Variants in HUWE1 observed in about 807,000 individuals in gnomAD.
HUWE1 encodes the protein E3 ubiquitin-protein ligase HUWE1.
HUWE1 carries 18 observed loss-of-function variants against 299.4 expected under a neutral mutation model. The ratio of observed to expected loss-of-function variants is 0.06; its 90% CI spans 0.04 to 0.09. The LOEUF (loss-of-function observed/expected upper bound fraction) is 0.09, where lower values mean the gene tolerates loss of function less well. HUWE1 is among the 10% of genes least tolerant of loss of function. The pLI is 1.00. For synonymous variants in HUWE1, 1,317 were observed against 1,286.1 expected (o/e 1.02, Z -0.51); for missense variants, 1,832 against 3,462.3 (o/e 0.53, Z 11.82).
In HUWE1 at chrX:53,533,979, A is replaced by C. The variant is rs782175540; in HGVS notation, c.13022+28T>G. On this transcript the variant is annotated intron_variant, in intron 83 of 83. Transcript: ENST00000262854. ...GTATGCAAGCTCAACCTAAGCACTG[A>C]AAAGGAGAAACAAACCCTTCCTTTT... 35 of 1,188,505 alleles carry C rather than the reference A, an allele frequency of 2.9e-5. No individual in the cohort carries two copies. The East Asian group carries it at 5.9e-4, about 20-fold the overall frequency.
chrX:53,643,713 T>C (rs1440014153), intron 7 of HUWE1, among the ~76,000 whole-genome samples: 3 of 112,437 alleles, frequency 2.7e-5, no homozygotes, highest in Non-Finnish European at 5.6e-5. Flanking sequence ...TTTCTGTATA[T>C]TGATCTCTTG....
intron 4 of HUWE1, among the ~76,000 whole-genome samples, chrX:53,651,094 C>A (rs782464745): frequency 5.4e-5 from 6 of 111,132 alleles, no homozygotes; most frequent in Admixed American, 9.6e-5. Flanking sequence ...ATATTAACTA[C>A]ACTGGGTTAC....
At position 53,593,538 on chromosome X, in the gene HUWE1, T is replaced by C. The variant is rs782315679; in HGVS notation, c.3567A>G (p.Ser1189=). ...ATTCTCCTGTGCCATCAGGCAAGTCTGAGTGTTCCAATCCCTCAGAAACAG... is the reference window on the plus strand; with the variant it reads ...ATTCTCCTGTGCCATCAGGCAAGTCCGAGTGTTCCAATCCCTCAGAAACAG... ...KVPVSEGLEH[S]DLPDGTGEFL... The change falls in exon 32 of 84, where the codon TCA becomes TCG. Residue 1189 remains serine, a synonymous_variant. Coordinates refer to ENST00000262854, the MANE Select transcript of HUWE1 (RefSeq NM_031407.7). 13 of 1,211,679 alleles carry C rather than the reference T, an allele frequency of 1.1e-5. No homozygotes were observed. The highest frequency in any genetic ancestry group is 1.5e-5 in the Non-Finnish European group (13 of 895,260).
At chrX:53,575,550 C>A in intron 45 of HUWE1, 93 bp downstream of exon 45, 1 of 955,230 alleles carries the variant, frequency 1.0e-6, no homozygotes, top group Non-Finnish European at 1.5e-6. Flanking sequence ...CAATTAATAT[C>A]TTTGAAATTC....
intron 7 of HUWE1, 76 bp from the exon 8 acceptor site, chrX:53,634,374 A>T (rs1365191412): frequency 1.3e-5 from 9 of 670,857 alleles, no homozygotes; most frequent in Non-Finnish European, 2.0e-5. Flanking sequence ...CCTAGGCAAC[A>T]GAGTGAGACC....
At chrX:53,551,611 C>T in intron 63 of HUWE1, 131 bp from the exon 64 acceptor site, 2 of 577,688 alleles carry the variant, frequency 3.5e-6, no homozygotes, top group Admixed American at 2.7e-5. Context: ...CTCCTGGGCT[C>T]GAGTCTTCCT....
Position 53,532,741 on chromosome X carries a change from A to G in HUWE1, c.*568T>C, listed in dbSNP as rs2060826924. The G allele has an allele frequency of 9.3e-6, 1 of 107,981 alleles. No individual in the cohort carries two copies. Among genetic ancestry groups the G allele is most frequent in the African/African-American group, 3.4e-5 (1 of 29,547 alleles). 8.9% of individuals were successfully genotyped at this position (107,981 alleles called of 1,213,427 possible). A position where few individuals can be genotyped will look rare whatever the true frequency, so the allele number is the denominator to read the frequency against. On this transcript the variant is annotated 3_prime_UTR_variant, in exon 84 of 84. Coordinates refer to ENST00000262854, the MANE Select transcript of HUWE1 (RefSeq NM_031407.7). ...TCCAGATGCCTAGCATGTGCTTAAGAGTTTTTTGTTTTTTTTTTTAAGTTT... is the reference window on the plus strand; with the variant it reads ...TCCAGATGCCTAGCATGTGCTTAAGGGTTTTTTGTTTTTTTTTTTAAGTTT...
Position 53,608,837 on chromosome X carries a change from T to C in HUWE1, c.2319+15A>G, listed in dbSNP as rs1556999335. On this transcript the variant is annotated intron_variant, in intron 24 of 83. Coordinates refer to ENST00000262854, the MANE Select transcript of HUWE1 (RefSeq NM_031407.7). The stretch of plus-strand genomic sequence containing the variant: ...ATATACATCTTTACTCAGTTTGCCC[T>C]GTGTTGAATCTTACCACATTAAGGA... 3.7e-6 allele frequency: 4 copies of C among 1,071,883 alleles called. No individual in the cohort carries two copies. The highest frequency in any genetic ancestry group is 5.2e-6 in the Non-Finnish European group (4 of 769,013). 88.3% of individuals were successfully genotyped at this position (1,071,883 alleles called of 1,213,427 possible). A position where few individuals can be genotyped will look rare whatever the true frequency, so the allele number is the denominator to read the frequency against.
chrX:53,606,032 C>T (rs1384044985), intron 25 of HUWE1, among the ~76,000 whole-genome samples: 2 of 111,624 alleles, frequency 1.8e-5, no homozygotes, highest in Non-Finnish European at 3.8e-5. Flanking sequence ...TGCAAAACAT[C>T]GGATTTGGCA....
At chrX:53,577,502 TCCCTCTCCCTCTCCCTCTCC>T in intron 43 of HUWE1, among the ~76,000 whole-genome samples, 1 of 68,827 alleles carries the variant, frequency 1.5e-5, no homozygotes, top group Non-Finnish European at 3.1e-5. Flanking sequence ...CTCCCTCCTC[TCCCTCTCCCTCTCCCTCTCC>T]CTCCCTCTCC....
At position 53,589,629 on chromosome X, in the gene HUWE1, C is replaced by T. The variant is rs1556976795; in HGVS notation, c.4379G>A (p.Arg1460His). The T allele has an allele frequency of 5.0e-6, 6 of 1,210,511 alleles. No homozygotes were observed. The highest frequency in any genetic ancestry group is 3.0e-5 in the East Asian group (1 of 33,844). Residue 1460 changes from arginine to histidine, a missense_variant, in exon 36 of 84, where the codon CGT becomes CAT. Arg to His is a conservative substitution (Grantham distance 29). Coordinates refer to ENST00000262854, the MANE Select transcript of HUWE1 (RefSeq NM_031407.7). ...LLDELPDTVY[R>H]VCDLIMTAIK... is the part of the protein sequence containing the mutation. ...TGCTGTCATGATCAGGTCACACACA[C>T]GGTATACTGTGTCTGGCAGCTCATC...
chrX:53,609,287 A>T (rs981366453), intron 23 of HUWE1, among the ~76,000 whole-genome samples: 7 of 112,369 alleles, frequency 6.2e-5, no homozygotes, highest in African/African-American at 2.3e-4. Flanking sequence ...TATCTTTGGC[A>T]AACTACTGTT....
At chrX:53,584,077 G>T (rs1172276213) in intron 41 of HUWE1, 109 bp downstream of exon 41, 41 of 853,028 alleles carry the variant, frequency 4.8e-5, no homozygotes, top group Non-Finnish European at 7.1e-5. Context: ...GGAGGCCTAC[G>T]TATCTTTAAT....
chrX:53,548,976 G>A lies in HUWE1; in HGVS notation c.10018C>T (p.Leu3340Phe). The A allele has an allele frequency of 8.3e-7, 1 of 1,201,309 alleles. No homozygotes were observed. The highest frequency in any genetic ancestry group is 1.1e-6 in the Non-Finnish European group (1 of 889,889). The change falls in exon 67 of 84, where the codon CTC becomes TTC. Residue 3340 changes from leucine to phenylalanine, a missense_variant. Leu to Phe is a conservative substitution (Grantham distance 22, BLOSUM62 0). Coordinates refer to ENST00000262854, the MANE Select transcript of HUWE1 (RefSeq NM_031407.7). Reference sequence around the variant, plus strand: ...ACCCTCACCTTGGCCAATTGAATGAGTGTATCCAAAACGTGTCTGCAGACA... The same window carrying A: ...ACCCTCACCTTGGCCAATTGAATGAATGTATCCAAAACGTGTCTGCAGACA... Reference protein sequence around the residue: ...PVVCRHVLDTLIQLAKVFPSH... With the variant: ...PVVCRHVLDTFIQLAKVFPSH...
Position 53,577,457 on chromosome X carries a change from T to TAA in HUWE1, c.5717-392_5717-391dup, listed in dbSNP as rs782304486. Among the ~76,000 whole-genome samples, 256 of 76,851 alleles carry TAA rather than the reference T, an allele frequency of 3.3e-3. 2 individuals are homozygous for TAA. Among genetic ancestry groups the TAA allele is most frequent in the African/African-American group, 0.012 (239 of 19,443 alleles). 66.7% of individuals were successfully genotyped at this position (76,851 alleles called of 115,157 possible). On this transcript the variant is annotated intron_variant, in intron 43 of 83. Transcript: ENST00000262854. ...TTTCATCCCCTTCCCAACGTTTTAT[T>TAA]AAAAAAAAAAAAAAAAAAACTCCCT...
chrX:53,629,277 A>T (rs1557020658), intron 13 of HUWE1, among the ~76,000 whole-genome samples: 2 of 111,849 alleles, frequency 1.8e-5, no homozygotes, highest in Admixed American at 1.9e-4. Context: ...CTCATGTGAC[A>T]GGTCACAGTT....
At chrX:53,552,462 G>C in intron 62 of HUWE1, 21 bp from the exon 63 acceptor site, 1 of 1,209,336 alleles carries the variant, frequency 8.3e-7, no homozygotes, top group Non-Finnish European at 1.1e-6. Context: ...TCATGCTCAG[G>C]TTGCTGTCTG....
At position 53,548,277 on chromosome X, in the gene HUWE1, C is replaced by G. The variant is rs1861477641; in HGVS notation, c.10036-4G>C. On this transcript the variant is annotated splice_region_variant and splice_polypyrimidine_tract_variant and intron_variant, in intron 67 of 83. Transcript: ENST00000262854. Reference sequence around the variant, plus strand: ...GTGTGAAGTGGCTGGGAAATACCTGCCGGGAAAAGGAGGACAAGGCTTGGT... The same window carrying G: ...GTGTGAAGTGGCTGGGAAATACCTGGCGGGAAAAGGAGGACAAGGCTTGGT... The G allele has an allele frequency of 1.7e-6, 2 of 1,207,684 alleles. No homozygotes were observed. Among genetic ancestry groups the G allele is most frequent in the Admixed American group, 2.2e-5 (1 of 45,794 alleles).
chrX:53,543,634 TG>T, intron 73 of HUWE1: 1 of 558,846 alleles, frequency 1.8e-6, no homozygotes, highest in Non-Finnish European at 2.8e-6. Flanking sequence ...TGGGGTATGA[TG>T]GCCAAGCTTT....
Sources: allele counts gnomAD v4.1 joint callset (sites outside exome capture counted in the v4.1 genomes callset), GRCh38; gene constraint gnomAD v4.1.1; transcripts MANE v1.5; gene names NCBI Gene and HGNC (gene_info 2026-07-23, HGNC 2026-07-21).